Variants in SBF2 observed in about 807,000 individuals in gnomAD.
The protein encoded by SBF2 is SET binding factor 2, also known as myotubularin-related protein 13.
In SBF2, 112 loss-of-function variants were observed where a neutral mutation model predicts 225.2. The ratio of observed to expected loss-of-function variants is 0.50; its 90% CI spans 0.43 to 0.58. The LOEUF is 0.58. Among genes scored for constraint, SBF2 ranks in the 20% least tolerant of loss-of-function variants. The pLI is 0.00. For missense variants in SBF2, 1,996 were observed against 2,206.2 expected, an observed-to-expected ratio of 0.90 and a Z score of 1.91; for synonymous variants, 763 against 773.3, an observed-to-expected ratio of 0.99 and a Z score of 0.22.
Position 10,207,035 on chromosome 11 carries a change from A to G in SBF2, c.56-13048T>C, listed in dbSNP as rs550955100. 9.9e-5 allele frequency among the ~76,000 whole-genome samples: 15 copies of G among 152,150 alleles called. 1 individual carries two copies. ...CTGGATAAACTCAAAAGAAATCTACACTAAGATACATCATAATTAAACATC... is the reference window on the plus strand; with the variant it reads ...CTGGATAAACTCAAAAGAAATCTACGCTAAGATACATCATAATTAAACATC... On this transcript the variant is annotated intron_variant, in intron 1 of 39. Coordinates refer to ENST00000256190, the MANE Select transcript of SBF2 (RefSeq NM_030962.4).
chr11:10,091,773 A>G (rs1193299261), intron 2 of SBF2, among the ~76,000 whole-genome samples: 1 of 152,200 alleles, frequency 6.6e-6, no homozygotes, highest in Non-Finnish European at 1.5e-5. Context: ...TAGGTGACCC[A>G]GTACATAATT....
chr11:10,044,901 G>A (rs1289144525), intron 2 of SBF2, among the ~76,000 whole-genome samples: 6 of 152,254 alleles, frequency 3.9e-5, no homozygotes, highest in East Asian at 3.9e-4. Context: ...TGCTGAGAAC[G>A]CTTTTTGCCT....
At chr11:10,243,612 A>T (rs1959456873) in intron 1 of SBF2, among the ~76,000 whole-genome samples, 1 of 152,050 alleles carries the variant, frequency 6.6e-6, no homozygotes, top group Non-Finnish European at 1.5e-5. Context: ...TCAGAAATGG[A>T]AGAAGAGACA....
chr11:10,152,223 C>G (rs2135175584), intron 2 of SBF2, among the ~76,000 whole-genome samples: 1 of 152,236 alleles, frequency 6.6e-6, no homozygotes, highest in Non-Finnish European at 1.5e-5. Flanking sequence ...GATCCATATG[C>G]TGAATTAAGG....
chr11:10,217,572 T>C (rs193122749), intron 1 of SBF2, among the ~76,000 whole-genome samples: 1 of 152,308 alleles, frequency 6.6e-6, no homozygotes, highest in East Asian at 1.9e-4. Flanking sequence ...TTATTAGTTC[T>C]AAAGTATCAT....
intron 1 of SBF2, among the ~76,000 whole-genome samples, chr11:10,257,894 T>A (rs541561291): frequency 1.4e-5 from 2 of 147,866 alleles, no homozygotes; most frequent in African/African-American, 5.0e-5. Context: ...GAGGCAGAGG[T>A]TGCAGTGAAA....
At chr11:10,157,205 G>A (rs753026795) in intron 2 of SBF2, among the ~76,000 whole-genome samples, 1 of 152,160 alleles carries the variant, frequency 6.6e-6, no homozygotes, top group Non-Finnish European at 1.5e-5. Flanking sequence ...TGGAATAACT[G>A]GCTAGCCTTA....
At chr11:10,269,918 C>T (rs949045607) in intron 1 of SBF2, among the ~76,000 whole-genome samples, 4 of 152,184 alleles carry the variant, frequency 2.6e-5, no homozygotes, top group African/African-American at 9.7e-5. Flanking sequence ...TGAGCCACCA[C>T]ATCTAGCTCA....
intron 32 of SBF2, among the ~76,000 whole-genome samples, chr11:9,804,193 A>G (rs1324965498): frequency 6.6e-6 from 1 of 152,096 alleles, no homozygotes; most frequent in Non-Finnish European, 1.5e-5. Context: ...ACCAGACACA[A>G]CTGGGTTAGT....
chr11:9,911,423 T>C (rs958056210), intron 16 of SBF2, among the ~76,000 whole-genome samples: 1 of 151,624 alleles, frequency 6.6e-6, no homozygotes. Flanking sequence ...AAAGATATAA[T>C]GAAAGAAAAT....
At chr11:10,166,069 C>T (rs1250625988) in intron 2 of SBF2, among the ~76,000 whole-genome samples, 3 of 152,148 alleles carry the variant, frequency 2.0e-5, no homozygotes, top group Non-Finnish European at 4.4e-5. Context: ...GGCATTGCCA[C>T]ATTGGTTTTA....
At chr11:9,871,013 T>C (rs1187018573) in intron 17 of SBF2, among the ~76,000 whole-genome samples, 2 of 144,674 alleles carry the variant, frequency 1.4e-5, no homozygotes, top group African/African-American at 5.1e-5. Context: ...GATTACAGAC[T>C]AAAATGTAAA....
chr11:9,879,800 G>T (rs1008766259), intron 17 of SBF2, among the ~76,000 whole-genome samples: 30 of 152,196 alleles, frequency 2.0e-4, no homozygotes, highest in African/African-American at 7.0e-4. Flanking sequence ...ATCTCAGGAT[G>T]AGGCCAGGCT....
In SBF2 at chr11:10,294,110, G is replaced by C; in HGVS notation, c.-41C>G. The C allele has an allele frequency of 7.7e-7, 1 of 1,304,782 alleles. No homozygotes were observed. 80.8% of individuals were successfully genotyped at this position (1,304,782 alleles called of 1,614,324 possible). ...GCTCGGGAAGCGGGTCCCCGTCGCC[G>C]CCCTCGCCGCCGCCGCCCACCCGGC... On this transcript the variant is annotated 5_prime_UTR_variant, in exon 1 of 40. Coordinates refer to ENST00000256190, the MANE Select transcript of SBF2 (RefSeq NM_030962.4).
rs981201516 is a variant in SBF2, at chr11:10,301,791, G to A, written n.386+2701C>T. Among the ~76,000 whole-genome samples the A allele has an allele frequency of 1.9e-4, 29 of 152,212 alleles. No individual in the cohort carries two copies. The East Asian group carries it at 4.2e-3, about 22-fold the overall frequency. The stretch of plus-strand genomic sequence containing the variant: ...ACTAAGAATCAGGCTTGGATATAGG[G>A]CCTAAAAATCATTCAATTGGAATGT... On this transcript the variant is annotated intron_variant and non_coding_transcript_variant, in intron 1 of 5. Coordinates refer to the SBF2 transcript ENST00000685217.
chr11:10,030,153 G>A (rs1437893208), intron 4 of SBF2, among the ~76,000 whole-genome samples: 1 of 152,132 alleles, frequency 6.6e-6, no homozygotes, highest in African/African-American at 2.4e-5. Context: ...AATCTGTAGG[G>A]CTAATACTGT....
intron 28 of SBF2, among the ~76,000 whole-genome samples, chr11:9,826,602 C>T (rs1590166939): frequency 6.6e-6 from 1 of 151,812 alleles, no homozygotes; most frequent in East Asian, 1.9e-4. Flanking sequence ...TATGAGAAAG[C>T]AACACATAGA....
intron 1 of SBF2, among the ~76,000 whole-genome samples, chr11:10,229,888 G>C (rs1250507231): frequency 6.6e-6 from 1 of 152,180 alleles, no homozygotes; most frequent in South Asian, 2.1e-4. Flanking sequence ...CTGTCTGGTT[G>C]ATCTGTCTAA....
At chr11:10,150,463 T>C (rs1215159398) in intron 2 of SBF2, among the ~76,000 whole-genome samples, 3 of 152,092 alleles carry the variant, frequency 2.0e-5, no homozygotes, top group South Asian at 2.1e-4. Context: ...TTCTGGAGAA[T>C]GGGATTACTG....
Sources: allele counts gnomAD v4.1 joint callset (sites outside exome capture counted in the v4.1 genomes callset), GRCh38; gene constraint gnomAD v4.1.1; transcripts MANE v1.5; gene names NCBI Gene and HGNC (gene_info 2026-07-23, HGNC 2026-07-21).